Variants in SEMA3A observed in about 807,000 individuals in gnomAD.
SEMA3A encodes semaphorin 3A, also known as semaphorin-3A.
In SEMA3A, 29 loss-of-function variants were observed where a neutral mutation model predicts 97.9. That is an observed-to-expected ratio of 0.30 (90% CI 0.22 to 0.40). SEMA3A has a LOEUF of 0.40. Among genes scored for constraint, SEMA3A ranks in the 10% least tolerant of loss-of-function variants. The probability of loss-of-function intolerance (pLI) is 1.00; values close to 1 mark genes in which losing one functional copy is unlikely to be tolerated. For missense variants in SEMA3A, 763 were observed against 951.3 expected, an observed-to-expected ratio of 0.80 and a Z score of 2.60; for synonymous variants, 321 against 323.7, an observed-to-expected ratio of 0.99 and a Z score of 0.09.
At chr7:84,441,084 G>A (rs1805261205) in intron 1 of SEMA3A, among the ~76,000 whole-genome samples, 1 of 152,046 alleles carries the variant, frequency 6.6e-6, no homozygotes, top group African/African-American at 2.4e-5. Flanking sequence ...CTTGAACCCG[G>A]GAGGTGGAGG....
rs1253381015 is a variant in SEMA3A, at chr7:84,403,702, G to A, written c.-245-31802C>T. Among the ~76,000 whole-genome samples, 5 of 152,118 alleles carry A rather than the reference G, an allele frequency of 3.3e-5. No individual in the cohort carries two copies. The East Asian group carries it at 7.7e-4, about 24-fold the overall frequency. ...GTACTCCTCTGAGACAAAACTTCCA[G>A]AGGAACGATCAGGCAGCAACATTTG... On this transcript the variant is annotated intron_variant, in intron 1 of 3. Transcript: ENST00000424555.
chr7:84,406,420 C>CA (rs201032854), intron 1 of SEMA3A, among the ~76,000 whole-genome samples: 1 of 151,962 alleles, frequency 6.6e-6, no homozygotes, highest in African/African-American at 2.4e-5. Flanking sequence ...GTTTACCAAC[C>CA]AAAAAAAGTC....
At chr7:84,054,610 T>C (rs1298356708) in intron 5 of SEMA3A, among the ~76,000 whole-genome samples, 7 of 140,440 alleles carry the variant, frequency 5.0e-5, no homozygotes, top group Non-Finnish European at 7.8e-5. Flanking sequence ...TTCTTCTAAA[T>C]TTTTTGCAAA....
At chr7:84,299,824 GTTTGAGAC>G (rs1400714415) in intron 3 of SEMA3A, among the ~76,000 whole-genome samples, 560 of 140,348 alleles carry the variant, frequency 4.0e-3, no homozygotes, top group Middle Eastern at 0.01. Flanking sequence ...GAGGTCAGGA[GTTTGAGAC>G]CAGCCTGGCC....
intron 5 of SEMA3A, among the ~76,000 whole-genome samples, chr7:84,053,889 C>T (rs899094960): frequency 1.5e-5 from 2 of 131,074 alleles, no homozygotes; most frequent in African/African-American, 5.2e-5. Flanking sequence ...CCTTCAGGAG[C>T]TCTTTTAGGG....
chr7:84,161,506 A>G (rs925703755), intron 1 of SEMA3A, among the ~76,000 whole-genome samples: 1 of 152,194 alleles, frequency 6.6e-6, no homozygotes, highest in Non-Finnish European at 1.5e-5. Flanking sequence ...TACATTAGAA[A>G]AATCAGTGTT....
chr7:84,404,044 G>A (rs1241915251), intron 1 of SEMA3A, among the ~76,000 whole-genome samples: 1 of 152,180 alleles, frequency 6.6e-6, no homozygotes, highest in Admixed American at 6.5e-5. Flanking sequence ...GCTGGACGGA[G>A]AACGACTTTG....
chr7:84,036,265 GATGT>G (rs1244810342), intron 6 of SEMA3A, among the ~76,000 whole-genome samples: 1 of 152,102 alleles, frequency 6.6e-6, no homozygotes, highest in Non-Finnish European at 1.5e-5. Flanking sequence ...TGATCCTATA[GATGT>G]ATTAAGACTT....
chr7:84,201,797 T>G (rs760186286), intron 3 of SEMA3A, among the ~76,000 whole-genome samples: 10 of 152,120 alleles, frequency 6.6e-5, no homozygotes, highest in Non-Finnish European at 1.5e-4. Context: ...CTTCTTAAAT[T>G]ACAGATTCAA....
intron 4 of SEMA3A, among the ~76,000 whole-genome samples, chr7:84,101,991 A>T (rs2115902777): frequency 7.4e-6 from 1 of 134,872 alleles, no homozygotes; most frequent in African/African-American, 2.5e-5. Context: ...TATTAAAAAT[A>T]ATTTCACCTG....
rs570738858 is a variant in SEMA3A, at chr7:83,962,879, GT to G, written c.1860+325del. Among the ~76,000 whole-genome samples, 1,466 of 151,430 alleles carry G rather than the reference GT, an allele frequency of 9.7e-3. 16 individuals are homozygous for G. The highest frequency in any genetic ancestry group is 0.016 in the South Asian group (77 of 4,776). ...GAACAAAATTTAAAATTAGTAGGAG[GT>G]TTTTTTTTATTTGTGCACAAATATA... is the stretch of plus-strand genomic sequence containing the variant. On this transcript the variant is annotated intron_variant, in intron 16 of 16. Coordinates refer to ENST00000265362, the MANE Select transcript of SEMA3A (RefSeq NM_006080.3).
intron 1 of SEMA3A, among the ~76,000 whole-genome samples, chr7:84,176,043 C>A (rs1028031534): frequency 2.0e-5 from 3 of 152,076 alleles, no homozygotes; most frequent in Non-Finnish European, 2.9e-5. Context: ...TATGCAAATT[C>A]TGAATTAAAA....
intron 3 of SEMA3A, among the ~76,000 whole-genome samples, chr7:84,208,827 T>C (rs1798559491): frequency 6.6e-6 from 1 of 152,182 alleles, no homozygotes; most frequent in Admixed American, 6.5e-5. Context: ...AGAAATCAGA[T>C]TCAGAATACA....
At chr7:84,091,441 C>A (rs1794602511) in intron 4 of SEMA3A, among the ~76,000 whole-genome samples, 1 of 151,916 alleles carries the variant, frequency 6.6e-6, no homozygotes. Context: ...TATTTCACAT[C>A]TAACATAAAG....
At chr7:84,220,132 T>C (rs956537645) in intron 3 of SEMA3A, among the ~76,000 whole-genome samples, 2 of 152,214 alleles carry the variant, frequency 1.3e-5, no homozygotes, top group Non-Finnish European at 2.9e-5. Context: ...CTAAATATTT[T>C]GTTATTTCAA....
rs1173242884 is a variant in SEMA3A, at chr7:84,124,821, T to C, written c.333+4302A>G. On this transcript the variant is annotated intron_variant, in intron 3 of 16. Coordinates refer to ENST00000265362, the MANE Select transcript of SEMA3A (RefSeq NM_006080.3). ...ATCCAAAAATAACCAATGAATGCCATGAATCATCTTGAAGTGCACAAAATA... is the reference window on the plus strand; with the variant it reads ...ATCCAAAAATAACCAATGAATGCCACGAATCATCTTGAAGTGCACAAAATA... Among the ~76,000 whole-genome samples, 5 of 152,002 alleles carry C rather than the reference T, an allele frequency of 3.3e-5. No individual in the cohort carries two copies. In the East Asian group the frequency reaches 9.6e-4, roughly 29 times the overall value.
chr7:84,108,501 G>C (rs3779443), intron 4 of SEMA3A, among the ~76,000 whole-genome samples: 74,231 of 152,006 alleles, frequency 0.49, 19,324 homozygotes, highest in East Asian at 0.7. Context: ...GACAGAGTCT[G>C]AGAGACGTTA....
At chr7:84,110,771 AT>A (rs1795257317) in intron 3 of SEMA3A, among the ~76,000 whole-genome samples, 182 bp from the exon 4 acceptor site, 2 of 152,040 alleles carry the variant, frequency 1.3e-5, no homozygotes, top group South Asian at 4.1e-4. Context: ...ATATTATAAT[AT>A]GCATTAAAAT....
At chr7:84,170,821 T>G (rs576390707) in intron 1 of SEMA3A, among the ~76,000 whole-genome samples, 1 of 152,062 alleles carries the variant, frequency 6.6e-6, no homozygotes. Flanking sequence ...CTTAAAATCT[T>G]GACTGTTGAA....
Sources: gnomAD v4.1 joint callset for allele counts (sites outside exome capture counted in the v4.1 genomes callset) on GRCh38, gnomAD v4.1.1 for gene constraint, MANE v1.5 for transcripts, NCBI Gene and HGNC (gene_info 2026-07-23, HGNC 2026-07-21) for gene names.